Variants in ALDH1A3 observed in about 807,000 individuals in gnomAD.
The protein encoded by ALDH1A3 is retinaldehyde dehydrogenase 3.
In ALDH1A3, 28 loss-of-function variants were observed where a neutral mutation model predicts 57.5. The ratio of observed to expected loss-of-function variants is 0.49; its 90% CI spans 0.36 to 0.67. The LOEUF is 0.67. ALDH1A3 is among the 30% of genes least tolerant of loss of function. ALDH1A3 has a pLI of 0.00. For synonymous variants in ALDH1A3, 281 were observed against 264.8 expected (o/e 1.06, Z -0.59); for missense variants, 507 against 669.4 (o/e 0.76, Z 2.68).
chr15:100,898,010 T>A (rs2041725530), intron 7 of ALDH1A3, 73 bp from the exon 8 acceptor site: 1 of 1,431,266 alleles, frequency 7.0e-7, no homozygotes, highest in Non-Finnish European at 9.8e-7. Context: ...GATCAGAATG[T>A]TCACTGATGT....
Position 100,879,860 on chromosome 15 carries a change from G to C in ALDH1A3, c.-48G>C, listed in dbSNP as rs1191734579. The C allele has an allele frequency of 9.3e-6, 12 of 1,289,876 alleles. No individual in the cohort carries two copies. The highest frequency in any genetic ancestry group is 1.2e-5 in the Non-Finnish European group (12 of 1,004,792). 79.9% of individuals were successfully genotyped at this position (1,289,876 alleles called of 1,614,324 possible). On this transcript the variant is annotated 5_prime_UTR_variant, in exon 1 of 13. Transcript: ENST00000329841. Reference sequence around the variant, plus strand: ...GGCTGCGCAGTGTCCGGGCCGAGCCGGTGCGCCGCAGACTAGGGCGCCTCG... The same window carrying C: ...GGCTGCGCAGTGTCCGGGCCGAGCCCGTGCGCCGCAGACTAGGGCGCCTCG...
intron 12 of ALDH1A3, among the ~76,000 whole-genome samples, chr15:100,909,245 CTCCG>C (rs2041857704): frequency 9.7e-6 from 1 of 103,134 alleles, no homozygotes; most frequent in Non-Finnish European, 2.0e-5. Flanking sequence ...CTGCAAACCC[CTCCG>C]TGTGTGTGCA....
chr15:100,913,579 C>T (rs2041903678), intron 12 of ALDH1A3: 1 of 152,226 alleles, frequency 6.6e-6, no homozygotes, highest in East Asian at 1.9e-4. Context: ...AGGAGAGTCT[C>T]CCTCTTTTAA....
chr15:100,887,082 A>G lies in ALDH1A3; in HGVS notation c.205-490A>G, dbSNP rs1344509755. On this transcript the variant is annotated intron_variant, in intron 2 of 12. Transcript: ENST00000329841. The surrounding 1 kb of genome is among the most constrained non-coding windows in gnomAD (Gnocchi z 4.6). ...TTTTAAATGCTTTTTATAATCAGAAACAAACATTGGTATTTGGCCACTGTA... is the reference window on the plus strand; with the variant it reads ...TTTTAAATGCTTTTTATAATCAGAAGCAAACATTGGTATTTGGCCACTGTA... 6.6e-6 allele frequency among the ~76,000 whole-genome samples: 1 copy of G among 152,260 alleles called. No individual in the cohort carries two copies. The highest frequency in any genetic ancestry group is 1.5e-5 in the Non-Finnish European group (1 of 68,048).
chr15:100,891,501 C>T (rs1300343168), intron 3 of ALDH1A3, among the ~76,000 whole-genome samples: 1 of 152,268 alleles, frequency 6.6e-6, no homozygotes, highest in Non-Finnish European at 1.5e-5. Flanking sequence ...TCAGCTGCTG[C>T]ATTACTGGGT....
intron 12 of ALDH1A3, among the ~76,000 whole-genome samples, chr15:100,912,309 T>G (rs1016494058): frequency 6.6e-6 from 1 of 152,264 alleles, no homozygotes; most frequent in African/African-American, 2.4e-5. Context: ...GAGCACCATT[T>G]TCACACTTAT....
intron 9 of ALDH1A3, among the ~76,000 whole-genome samples, chr15:100,903,551 G>A (rs1276874358): frequency 6.6e-6 from 1 of 152,184 alleles, no homozygotes. Context: ...TTCCCAAAGT[G>A]GGTTGCTAAG....
chr15:100,893,825 CTA>C lies in ALDH1A3; in HGVS notation c.538-127_538-126del, dbSNP rs2041674990. ...TTGCAGTTCTGATCATTGCACACTCCTATGTTACCCCACATACCCCAAATCCA... is the reference window on the plus strand; with the variant it reads ...TTGCAGTTCTGATCATTGCACACTCCTGTTACCCCACATACCCCAAATCCA... On this transcript the variant is annotated intron_variant, in intron 5 of 12. Coordinates refer to ENST00000329841, the MANE Select transcript of ALDH1A3 (RefSeq NM_000693.4). The surrounding 1 kb of genome is among the most constrained non-coding windows in gnomAD (Gnocchi z 4.8). The C allele has an allele frequency of 7.7e-7, 1 of 1,297,666 alleles. No individual in the cohort carries two copies. Among genetic ancestry groups the C allele is most frequent in the Non-Finnish European group, 1.1e-6 (1 of 942,940 alleles). The allele number at this position is 1,297,666 out of a possible 1,614,324, so 80.4% of individuals were successfully genotyped here.
At chr15:100,907,364 T>A in intron 11 of ALDH1A3, 86 bp downstream of exon 11, 2 of 1,470,110 alleles carry the variant, frequency 1.4e-6, no homozygotes, top group Non-Finnish European at 1.9e-6. Context: ...AGTTTCTCAT[T>A]GTTTACATTG....
intron 11 of ALDH1A3, 104 bp from the exon 12 acceptor site, chr15:100,908,304 C>G (rs1177496429): frequency 1.1e-6 from 1 of 918,184 alleles, no homozygotes; most frequent in African/African-American, 1.7e-5. Context: ...TGGCAAAAGA[C>G]TGTTTATTAG....
Position 100,905,421 on chromosome 15 carries a change from C to G in ALDH1A3, c.1069-102C>G. The G allele has an allele frequency of 7.2e-6, 10 of 1,397,314 alleles. No homozygotes were observed. The South Asian group carries it at 1.2e-4, about 17-fold the overall frequency. The allele number at this position is 1,397,314 out of a possible 1,614,324, so 86.6% of individuals were successfully genotyped here. A position where few individuals can be genotyped will look rare whatever the true frequency, so the allele number is the denominator to read the frequency against. ...TGGATCATGGCTTGACAAGAACATGCAGAGGGAGGATGGCTGATCATGTTG... is the reference window on the plus strand; with the variant it reads ...TGGATCATGGCTTGACAAGAACATGGAGAGGGAGGATGGCTGATCATGTTG... On this transcript the variant is annotated intron_variant, in intron 9 of 12. Transcript: ENST00000329841.
At chr15:100,907,339 C>T (rs1481047957) in intron 11 of ALDH1A3, 61 bp downstream of exon 11, 1 of 1,530,300 alleles carries the variant, frequency 6.5e-7, no homozygotes, top group African/African-American at 1.4e-5. Flanking sequence ...GTTCATTATT[C>T]TTCTATTAAC....
intron 9 of ALDH1A3, among the ~76,000 whole-genome samples, chr15:100,901,795 G>A (rs974197614): frequency 2.6e-5 from 4 of 152,242 alleles, no homozygotes; most frequent in African/African-American, 9.6e-5. Flanking sequence ...AGGCTGTCCT[G>A]TGGGGATGCC....
At chr15:100,891,101 T>C (rs923030759) in intron 3 of ALDH1A3, among the ~76,000 whole-genome samples, 1 of 152,224 alleles carries the variant, frequency 6.6e-6, no homozygotes, top group African/African-American at 2.4e-5. Flanking sequence ...AAGTTGATGA[T>C]AGTCAGTGTA....
rs79200242 is a variant in ALDH1A3 at position 100,893,048 on chromosome 15, T to C, written c.537+42T>C. ...TTCTCAGTAGATTCTATGTAGATCC[T>C]GCCCCACTGCCCTGTGTCCTTTGGA... On this transcript the variant is annotated intron_variant, in intron 5 of 12. Coordinates refer to ENST00000329841, the MANE Select transcript of ALDH1A3 (RefSeq NM_000693.4). This position sits in a 1 kb window ranked among gnomAD's most constrained non-coding sequence, Gnocchi z 4.8. The C allele has an allele frequency of 5.0e-3, 7,739 of 1,542,336 alleles. 94 individuals carry two copies. Among genetic ancestry groups the C allele is most frequent in the East Asian group, 0.04 (1,768 of 44,428 alleles).
Position 100,894,328 on chromosome 15 carries a change from AT to A in ALDH1A3, c.666+247del, listed in dbSNP as rs2041679467. On this transcript the variant is annotated intron_variant, in intron 6 of 12. Transcript: ENST00000329841. This position sits in a 1 kb window ranked among gnomAD's most constrained non-coding sequence, Gnocchi z 4.5. ...TAACTCTTATTATGGGCTCAAACCT[AT>A]GGTTGAGGACCCAGTGGTTTGTCTA... The A allele has an allele frequency of 9.3e-6, 4 of 428,116 alleles. No homozygotes were observed. The highest frequency in any genetic ancestry group is 6.5e-4 in the Middle Eastern group (1 of 1,546). 26.5% of individuals were successfully genotyped at this position (428,116 alleles called of 1,614,324 possible).
rs7178645 is a variant in ALDH1A3 at position 100,910,635 on chromosome 15, G to A, written c.1466+2153G>A. On this transcript the variant is annotated intron_variant, in intron 12 of 12. Coordinates refer to ENST00000329841, the MANE Select transcript of ALDH1A3 (RefSeq NM_000693.4). ...TGGCAGCTTAGTCCTTGGACCCACC[G>A]CAGTGCAGGACCTTGCTCAACAGGG... 3.1e-3 allele frequency among the ~76,000 whole-genome samples: 467 copies of A among 152,338 alleles called. 2 individuals are homozygous for A. Among genetic ancestry groups the A allele is most frequent in the African/African-American group, 0.011 (447 of 41,574 alleles).
At chr15:100,883,163 T>A (rs1366018207) in intron 1 of ALDH1A3, among the ~76,000 whole-genome samples, 2 of 152,106 alleles carry the variant, frequency 1.3e-5, no homozygotes, top group African/African-American at 4.8e-5. Context: ...TCATTTTCCC[T>A]CCCCCTTGGA....
At chr15:100,912,051 G>A (rs1596136639) in intron 12 of ALDH1A3, among the ~76,000 whole-genome samples, 1 of 152,108 alleles carries the variant, frequency 6.6e-6, no homozygotes, top group South Asian at 2.1e-4. Flanking sequence ...GCTACATTTC[G>A]TTATTGAGAC....
Sources: allele counts gnomAD v4.1 joint callset (sites outside exome capture counted in the v4.1 genomes callset), GRCh38; gene constraint gnomAD v4.1.1; non-coding constraint Gnocchi (gnomAD v3.1); transcripts MANE v1.5; gene names NCBI Gene and HGNC (gene_info 2026-07-23, HGNC 2026-07-21).